Variants in JARID2 observed in about 807,000 individuals in gnomAD.
JARID2 encodes jumonji and AT-rich interaction domain containing 2.
JARID2 carries 21 observed loss-of-function variants against 125.6 expected under a neutral mutation model. The ratio of observed to expected loss-of-function variants is 0.17; its 90% CI spans 0.12 to 0.24. JARID2 has a LOEUF of 0.24. Ranked by LOEUF, JARID2 falls within the 10% of genes least tolerant of loss-of-function variation. JARID2 has a pLI of 1.00. For missense variants in JARID2, 1,303 were observed against 1,639.6 expected (o/e 0.79, Z 3.55); for synonymous variants, 736 against 661.6 (o/e 1.11, Z -1.73).
chr6:15,515,779 G>T (rs1282914369), intron 16 of JARID2, among the ~76,000 whole-genome samples: 1 of 150,970 alleles, frequency 6.6e-6, no homozygotes, highest in East Asian at 1.9e-4. Context: ...ACAAAAACCA[G>T]GCACGGTGGC....
chr6:15,452,903 G>A (rs1227084032), intron 4 of JARID2, among the ~76,000 whole-genome samples: 1 of 152,230 alleles, frequency 6.6e-6, no homozygotes, highest in Non-Finnish European at 1.5e-5. Flanking sequence ...AGTTCCTTGG[G>A]TGAGGTTATT....
intron 3 of JARID2, among the ~76,000 whole-genome samples, chr6:15,437,017 A>G (rs1767235185): frequency 6.6e-6 from 1 of 152,090 alleles, no homozygotes; most frequent in Non-Finnish European, 1.5e-5. Flanking sequence ...GCCCGACTGC[A>G]GGCCACCCTG....
chr6:15,516,194 G>A (rs1771551045), intron 16 of JARID2, among the ~76,000 whole-genome samples: 1 of 152,136 alleles, frequency 6.6e-6, no homozygotes, highest in Non-Finnish European at 1.5e-5. Context: ...CTCCTACAAC[G>A]TGTTCTCTGT....
intron 1 of JARID2, among the ~76,000 whole-genome samples, chr6:15,254,603 GC>G (rs1242199341): frequency 6.6e-6 from 1 of 152,198 alleles, no homozygotes; most frequent in Non-Finnish European, 1.5e-5. Flanking sequence ...AGCTGGTGCT[GC>G]CTAAAAGGTC....
At chr6:15,517,301 G>C in intron 17 of JARID2, 33 bp downstream of exon 17, 1 of 1,433,440 alleles carries the variant, frequency 7.0e-7, no homozygotes, top group Non-Finnish European at 9.8e-7. Context: ...GGGCAGGGCG[G>C]CAGCGTGGCG....
Position 15,279,783 on chromosome 6 carries a change from T to C in JARID2, c.45+33199T>C, listed in dbSNP as rs368624852. Among the ~76,000 whole-genome samples, 9 of 152,360 alleles carry C rather than the reference T, an allele frequency of 5.9e-5. No individual in the cohort carries two copies. The East Asian group carries it at 9.6e-4, about 16-fold the overall frequency. ...GTTACTTTCCTGCTCAGGTTCTCATTAGCCCCTATCGTCTATGGGATAAAA... is the reference window on the plus strand; with the variant it reads ...GTTACTTTCCTGCTCAGGTTCTCATCAGCCCCTATCGTCTATGGGATAAAA... On this transcript the variant is annotated intron_variant, in intron 1 of 17. Transcript: ENST00000341776.
intron 1 of JARID2, among the ~76,000 whole-genome samples, chr6:15,364,096 A>T (rs1046103407): frequency 6.6e-6 from 1 of 152,160 alleles, no homozygotes; most frequent in Non-Finnish European, 1.5e-5. Flanking sequence ...ACTTCTGTTT[A>T]TTTCCTTGCT....
chr6:15,278,377 G>A (rs1351918318), intron 1 of JARID2, among the ~76,000 whole-genome samples: 1 of 151,678 alleles, frequency 6.6e-6, no homozygotes, highest in Non-Finnish European at 1.5e-5. Flanking sequence ...ACGAGGTCAG[G>A]AGATTGAGAC....
At chr6:15,329,535 TC>T (rs900805035) in intron 1 of JARID2, among the ~76,000 whole-genome samples, 3 of 152,198 alleles carry the variant, frequency 2.0e-5, no homozygotes, top group African/African-American at 7.2e-5. Context: ...GCTGTCCTTA[TC>T]CCCACTGGAG....
At chr6:15,496,025 C>T (rs1228301929) in intron 6 of JARID2, 107 bp from the exon 7 acceptor site, 1 of 874,264 alleles carries the variant, frequency 1.1e-6, no homozygotes, top group African/African-American at 1.7e-5. Flanking sequence ...GCTGCTGGCT[C>T]TGTTCATCCC....
At chr6:15,495,761 A>C (rs916013122) in intron 6 of JARID2, among the ~76,000 whole-genome samples, 9 of 152,160 alleles carry the variant, frequency 5.9e-5, no homozygotes, top group African/African-American at 2.2e-4. Context: ...AACTCTGAGA[A>C]GCTCAGGACA....
intron 1 of JARID2, among the ~76,000 whole-genome samples, chr6:15,351,644 A>C (rs1304444166): frequency 6.6e-6 from 1 of 152,152 alleles, no homozygotes; most frequent in Non-Finnish European, 1.5e-5. Flanking sequence ...AGCCAATCCT[A>C]TTCACCACTG....
chr6:15,411,137 T>G (rs1488584981), intron 3 of JARID2, among the ~76,000 whole-genome samples: 1 of 152,078 alleles, frequency 6.6e-6, no homozygotes. Flanking sequence ...GAGGACCAGC[T>G]TCCTGACTTT....
intron 1 of JARID2, among the ~76,000 whole-genome samples, chr6:15,295,123 C>CTT (rs60419870): frequency 0.11 from 14,358 of 129,352 alleles, 926 homozygotes; most frequent in Non-Finnish European, 0.13. Flanking sequence ...TTTTTTCTTT[C>CTT]TTTTTTTTTT....
chr6:15,455,279 C>T (rs954211574), intron 4 of JARID2, among the ~76,000 whole-genome samples: 1 of 149,690 alleles, frequency 6.7e-6, no homozygotes. Flanking sequence ...TTTTAAATGA[C>T]AAATAATAAT....
At chr6:15,518,472 CCT>C (rs759839692) in intron 17 of JARID2, among the ~76,000 whole-genome samples, 32 of 152,234 alleles carry the variant, frequency 2.1e-4, no homozygotes, top group Non-Finnish European at 4.1e-4. Context: ...GCCTCTGTCC[CCT>C]GTTGAGCTGT....
intron 1 of JARID2, among the ~76,000 whole-genome samples, chr6:15,306,549 G>T (rs1168387487): frequency 6.6e-6 from 1 of 151,700 alleles, no homozygotes; most frequent in African/African-American, 2.4e-5. Context: ...TGTTGGCCAG[G>T]ATGGTCTTGA....
chr6:15,306,129 C>G (rs2127419262), intron 1 of JARID2, among the ~76,000 whole-genome samples: 1 of 152,180 alleles, frequency 6.6e-6, no homozygotes, highest in African/African-American at 2.4e-5. Context: ...CAAGTAACTT[C>G]AGCTTTTCGT....
In JARID2 at chr6:15,467,816, A is replaced by G. The variant is rs563482762; in HGVS notation, c.494-726A>G. 2.6e-5 allele frequency among the ~76,000 whole-genome samples: 4 copies of G among 151,484 alleles called. No homozygotes were observed. The East Asian group carries it at 7.7e-4, about 29-fold the overall frequency. On this transcript the variant is annotated intron_variant, in intron 4 of 17. Coordinates refer to ENST00000341776, the MANE Select transcript of JARID2 (RefSeq NM_004973.4). ...AACAGAGTGAGACCCTTTCTAGAAA[A>G]ATAATGATATTGAGCTTATTTTTTT...
Sources: allele counts gnomAD v4.1 joint callset (sites outside exome capture counted in the v4.1 genomes callset), GRCh38; gene constraint gnomAD v4.1.1; transcripts MANE v1.5; gene names NCBI Gene and HGNC (gene_info 2026-07-23, HGNC 2026-07-21).